Variants in VWDE observed in about 807,000 individuals in gnomAD.
The protein encoded by VWDE is von Willebrand factor D and EGF domains.
A neutral mutation model predicts 178.4 loss-of-function variants in VWDE; 207 were observed. The ratio of observed to expected loss-of-function variants is 1.16; its 90% confidence interval spans 1.04 to 1.30. The LOEUF (loss-of-function observed/expected upper bound fraction) is 1.30, where lower values mean the gene tolerates loss of function less well. Ranked by LOEUF, VWDE falls within the 50% of genes most tolerant of loss-of-function variation. The pLI, the probability that VWDE is intolerant of heterozygous loss-of-function variation, is 0.00. For synonymous variants in VWDE, 738 were observed against 651.4 expected (o/e 1.13, Z -2.02); for missense variants, 2,287 against 1,901.3 (o/e 1.20, Z -3.77).
intron 23 of VWDE, 66 bp from the exon 24 acceptor site, chr7:12,340,483 G>A (rs1583275005): frequency 1.7e-6 from 2 of 1,176,392 alleles, no homozygotes; most frequent in East Asian, 5.1e-5. Flanking sequence ...AAGCTGCACA[G>A]AAGTGCAAAA....
intron 19 of VWDE, among the ~76,000 whole-genome samples, chr7:12,348,946 A>T (rs1327874859): frequency 6.6e-6 from 1 of 152,032 alleles, no homozygotes; most frequent in Non-Finnish European, 1.5e-5. Context: ...TGAAACTGGA[A>T]ATCATCATTC....
intron 4 of VWDE, among the ~76,000 whole-genome samples, chr7:12,380,965 A>C (rs181637297): frequency 4.0e-4 from 61 of 152,338 alleles, no homozygotes; most frequent in Non-Finnish European, 6.5e-4. Flanking sequence ...ATATTAATGC[A>C]GGTTGAATAT....
intron 27 of VWDE, 115 bp downstream of exon 27, chr7:12,336,026 G>A (rs1223049173): frequency 2.4e-6 from 2 of 816,932 alleles, no homozygotes; most frequent in South Asian, 3.7e-5. Flanking sequence ...TTTTAAAAAG[G>A]ATCAGCATGC....
chr7:12,372,431 C>A (rs1233018083), intron 10 of VWDE, among the ~76,000 whole-genome samples: 3 of 151,876 alleles, frequency 2.0e-5, no homozygotes, highest in African/African-American at 7.2e-5. Context: ...CTTGGAATTA[C>A]TTGTTTGAAA....
intron 18 of VWDE, 83 bp from the exon 19 acceptor site, chr7:12,351,796 C>A: frequency 8.2e-7 from 1 of 1,226,962 alleles, no homozygotes; most frequent in Non-Finnish European, 1.1e-6. Context: ...ACAATACAAA[C>A]GCCACTTGGA....
rs1351701170 is a variant in VWDE, at chr7:12,379,586, A to C, written c.790-20T>G. On this transcript the variant is annotated intron_variant, in intron 5 of 28. Transcript: ENST00000275358. ...GAATATCTATGGATATAATTAAAAA[A>C]TAATCACTTAGAAATTCAATTTTGG... The C allele has an allele frequency of 1.3e-6, 2 of 1,501,202 alleles. No homozygotes were observed. The highest frequency in any genetic ancestry group is 4.9e-5 in the East Asian group (2 of 40,502). The allele number at this position is 1,501,202 out of a possible 1,614,324, so 93.0% of individuals were successfully genotyped here.
Position 12,377,935 on chromosome 7 carries a change from T to C in VWDE, c.880-15A>G. 1.5e-6 allele frequency: 2 copies of C among 1,360,008 alleles called. No homozygotes were observed. Among genetic ancestry groups the C allele is most frequent in the African/African-American group, 1.5e-5 (1 of 66,420 alleles). The allele number at this position is 1,360,008 out of a possible 1,614,324, so 84.2% of individuals were successfully genotyped here. On this transcript the variant is annotated splice_polypyrimidine_tract_variant and intron_variant, in intron 6 of 28. Coordinates refer to ENST00000275358, the MANE Select transcript of VWDE (RefSeq NM_001135924.3). ...TCAGGCTGTAGCTGGTATAAGAAAA[T>C]ACGTAGAAAAATTATGTTAAAATAT...
At chr7:12,375,939 G>T (rs1449308945) in intron 7 of VWDE, among the ~76,000 whole-genome samples, 1 of 152,014 alleles carries the variant, frequency 6.6e-6, no homozygotes, top group Non-Finnish European at 1.5e-5. Context: ...CCCAAAATTG[G>T]TCAGAGAGGA....
chr7:12,389,128 T>G lies in VWDE; in HGVS notation c.474A>C (p.Glu158Asp). The change falls in exon 3 of 29, where the codon GAA becomes GAC. Residue 158 changes from glutamate (E) to aspartate (D), a missense_variant and splice_region_variant. Glu to Asp is a conservative substitution (Grantham distance 45, BLOSUM62 2). Transcript: ENST00000275358. ...TGTGAATTACTGGTGTTTTCTTACC[T>G]TCCGCACAGTAGCCCATACATCCCT... ...PTQGCMGYCA[E>D]AISDARLHPC... 6 of 1,539,518 alleles carry G rather than the reference T, an allele frequency of 3.9e-6. No individual in the cohort carries two copies. The highest frequency in any genetic ancestry group is 5.3e-6 in the Non-Finnish European group (6 of 1,135,754).
intron 13 of VWDE, among the ~76,000 whole-genome samples, chr7:12,362,442 G>C (rs909853751): frequency 6.6e-6 from 1 of 152,010 alleles, no homozygotes; most frequent in Admixed American, 6.6e-5. Context: ...TAATAACTCA[G>C]TGACACATTA....
In VWDE at chr7:12,367,437, AT is replaced by A. The variant is rs1782923451; in HGVS notation, c.2817del (p.Lys939AsnfsTer5). 1.3e-6 allele frequency: 2 copies of A among 1,546,582 alleles called. No individual in the cohort carries two copies. Among genetic ancestry groups the A allele is most frequent in the Non-Finnish European group, 1.7e-6 (2 of 1,144,416 alleles). ...LGNAGFCDVQ[K>X]YNCMMVRVFG... is the part of the protein sequence containing the mutation. ...AAAACTCTCACCATCATACAATTAT[AT>A]TTTTGAACATCACAGAATCCAGCAT... On this transcript the variant is annotated frameshift_variant, in exon 13 of 29. Transcript: ENST00000275358. LOFTEE classifies it high-confidence loss of function.
Position 12,370,569 on chromosome 7 carries a change from A to G in VWDE, c.1797-60T>C, listed in dbSNP as rs547914212. ...TGTACATAAACATTTGTTTCCTAATATGTGTTGCAAAAAAGCAGAGTGTTG... is the reference window on the plus strand; with the variant it reads ...TGTACATAAACATTTGTTTCCTAATGTGTGTTGCAAAAAAGCAGAGTGTTG... On this transcript the variant is annotated intron_variant, in intron 11 of 28. Coordinates refer to ENST00000275358, the MANE Select transcript of VWDE (RefSeq NM_001135924.3). The G allele has an allele frequency of 1.8e-3, 2,689 of 1,528,464 alleles. 7 individuals carry two copies. The highest frequency in any genetic ancestry group is 2.3e-3 in the Non-Finnish European group (2,559 of 1,137,008). The allele number at this position is 1,528,464 out of a possible 1,614,324, so 94.7% of individuals were successfully genotyped here. A position where few individuals can be genotyped will look rare whatever the true frequency, so the allele number is the denominator to read the frequency against.
intron 19 of VWDE, among the ~76,000 whole-genome samples, chr7:12,349,204 T>C (rs1490301376): frequency 6.6e-6 from 1 of 151,406 alleles, no homozygotes; most frequent in Non-Finnish European, 1.5e-5. Context: ...TGTGCACATG[T>C]ACCCTAAAAC....
intron 4 of VWDE, among the ~76,000 whole-genome samples, chr7:12,382,763 T>C (rs1387091773): frequency 1.3e-5 from 2 of 151,914 alleles, no homozygotes; most frequent in Non-Finnish European, 2.9e-5. Context: ...AATATTTCAA[T>C]AAATAATTTC....
At chr7:12,342,183 AG>A in intron 22 of VWDE, 29 bp from the exon 23 acceptor site, 1 of 1,541,318 alleles carries the variant, frequency 6.5e-7, no homozygotes, top group East Asian at 2.4e-5. Context: ...GAGAAAAGAA[AG>A]ATTAGGCTTG....
intron 7 of VWDE, among the ~76,000 whole-genome samples, chr7:12,377,358 C>A (rs185895493): frequency 2.6e-3 from 391 of 152,164 alleles, no homozygotes; most frequent in African/African-American, 9.1e-3. Flanking sequence ...ATTTCATAAG[C>A]TTGAACTTTT....
rs911006236 is a variant in VWDE, at chr7:12,348,649, A to G, written c.3886+2924T>C. On this transcript the variant is annotated intron_variant, in intron 19 of 28. Transcript: ENST00000275358. ...GGTGGGACTGTAAACTAGTTCAACC[A>G]TTGTGGAAGTCAGTGTGGCGATTCC... Among the ~76,000 whole-genome samples, 16 of 148,054 alleles carry G rather than the reference A, an allele frequency of 1.1e-4. No homozygotes were observed. In the South Asian group the frequency reaches 2.4e-3, roughly 22 times the overall value.
chr7:12,332,282 T>C (rs73680913), intron 28 of VWDE, among the ~76,000 whole-genome samples: 2,408 of 152,230 alleles, frequency 0.016, 58 homozygotes, highest in African/African-American at 0.056. Flanking sequence ...ACAGGACATA[T>C]TGTCCTCATG....
At chr7:12,373,895 G>A (rs1783358119) in intron 9 of VWDE, among the ~76,000 whole-genome samples, 1 of 151,976 alleles carries the variant, frequency 6.6e-6, no homozygotes, top group Non-Finnish European at 1.5e-5. Flanking sequence ...AAGGATTCTT[G>A]CCCGTTAGAT....
Sources: gnomAD v4.1 joint callset for allele counts (sites outside exome capture counted in the v4.1 genomes callset) on GRCh38, gnomAD v4.1.1 for gene constraint, MANE v1.5 for transcripts, NCBI Gene and HGNC (gene_info 2026-07-23, HGNC 2026-07-21) for gene names.